IDO2: variants seen among roughly 807,000 people sequenced by gnomAD.
IDO2 encodes the protein indoleamine 2,3-dioxygenase-like 1 protein.
IDO2 carries 46 observed loss-of-function variants against 45.1 expected under a neutral mutation model. The ratio of observed to expected loss-of-function variants is 1.02; its 90% confidence interval spans 0.80 to 1.30. The LOEUF (loss-of-function observed/expected upper bound fraction) is 1.30, where lower values mean the gene tolerates loss of function less well. Among genes scored for constraint, IDO2 ranks in the 50% most tolerant of loss-of-function variants. The pLI, the probability that IDO2 is intolerant of heterozygous loss-of-function variation, is 0.00. For synonymous variants in IDO2, 218 were observed against 184.9 expected, an observed-to-expected ratio of 1.18 and a Z score of -1.45; for missense variants, 544 against 491.8, an observed-to-expected ratio of 1.11 and a Z score of -1.00.
At chr8:40,004,874 A>G (rs972224737) in intron 8 of IDO2, among the ~76,000 whole-genome samples, 2 of 152,222 alleles carry the variant, frequency 1.3e-5, no homozygotes, top group African/African-American at 4.8e-5. Flanking sequence ...GGCAAGGGAC[A>G]CTTGCTCCGC....
chr8:39,988,208 C>T lies in IDO2; in HGVS notation c.549+238C>T, dbSNP rs149208325. Among the ~76,000 whole-genome samples, 7 of 152,238 alleles carry T rather than the reference C, an allele frequency of 4.6e-5. No homozygotes were observed. In the East Asian group the frequency reaches 1.4e-3, roughly 29 times the overall value. On this transcript the variant is annotated intron_variant, in intron 7 of 10. Transcript: ENST00000502986. ...TTCAACAAACAGGCATTGGTTTGGG[C>T]AATGGGAAATTGGATCGAACAAGAC...
intron 2 of IDO2, among the ~76,000 whole-genome samples, chr8:39,958,196 C>T (rs374020738): frequency 6.6e-6 from 1 of 151,028 alleles, no homozygotes; most frequent in Non-Finnish European, 1.5e-5. Flanking sequence ...CGAGCCACCG[C>T]GCCCAGACTT....
At chr8:40,013,379 C>T (rs1385559871) in intron 9 of IDO2, among the ~76,000 whole-genome samples, 186 bp from the exon 10 acceptor site, 1 of 152,140 alleles carries the variant, frequency 6.6e-6, no homozygotes, top group Non-Finnish European at 1.5e-5. Flanking sequence ...GATTTTATAG[C>T]TTGTTATGAA....
At chr8:39,999,186 T>G (rs539316955) in intron 8 of IDO2, among the ~76,000 whole-genome samples, 23 of 152,210 alleles carry the variant, frequency 1.5e-4, no homozygotes, top group African/African-American at 5.1e-4. Context: ...CGGTTTATCT[T>G]TCTCCCCTGA....
At chr8:40,010,533 G>A (rs189222551) in intron 9 of IDO2, among the ~76,000 whole-genome samples, 1 of 152,242 alleles carries the variant, frequency 6.6e-6, no homozygotes, top group East Asian at 1.9e-4. Flanking sequence ...GAATAAAGAC[G>A]GAAACAGGGA....
chr8:39,980,624 C>T (rs749942947), intron 4 of IDO2, among the ~76,000 whole-genome samples: 4 of 152,164 alleles, frequency 2.6e-5, no homozygotes, highest in Non-Finnish European at 5.9e-5. Flanking sequence ...AGAGAACAGC[C>T]TGTGCCCATC....
chr8:40,002,648 T>A (rs1408537688), intron 8 of IDO2, among the ~76,000 whole-genome samples: 1 of 152,060 alleles, frequency 6.6e-6, no homozygotes, highest in East Asian at 1.9e-4. Flanking sequence ...TAGCTGGACG[T>A]TGGGCACTTG....
intron 5 of IDO2, chr8:39,984,811 G>C (rs1198586712): frequency 2.9e-6 from 1 of 346,212 alleles, no homozygotes; most frequent in Non-Finnish European, 5.5e-6. Context: ...AAAAATCTTG[G>C]TGATGAGGCA....
chr8:39,962,172 C>T lies in IDO2; in HGVS notation c.100-1436C>T, dbSNP rs116707242. ...CGGACTATGTCTTACTTGGCTAAACCACAGGCCTAGAGTGGGCCATAAATG... is the reference window on the plus strand; with the variant it reads ...CGGACTATGTCTTACTTGGCTAAACTACAGGCCTAGAGTGGGCCATAAATG... On this transcript the variant is annotated intron_variant, in intron 2 of 10. Coordinates refer to ENST00000502986, the Ensembl canonical transcript of IDO2. Among the ~76,000 whole-genome samples the T allele has an allele frequency of 4.2e-3, 645 of 152,276 alleles. 9 individuals carry two copies. The highest frequency in any genetic ancestry group is 0.015 in the African/African-American group (605 of 41,546).
intron 9 of IDO2, among the ~76,000 whole-genome samples, chr8:40,011,524 C>G (rs1802311039): frequency 6.6e-6 from 1 of 152,166 alleles, no homozygotes; most frequent in South Asian, 2.1e-4. Context: ...CTCTCTGGAG[C>G]CTATTTTATT....
At chr8:39,984,603 T>G (rs1315962215) in intron 5 of IDO2, among the ~76,000 whole-genome samples, 3 of 152,180 alleles carry the variant, frequency 2.0e-5, no homozygotes, top group Non-Finnish European at 4.4e-5. Flanking sequence ...TTATTCTGCT[T>G]GGTAATTACC....
At chr8:39,941,448 G>A (rs78561155) in intron 1 of IDO2, among the ~76,000 whole-genome samples, 2,633 of 152,214 alleles carry the variant, frequency 0.017, 76 homozygotes, top group African/African-American at 0.059. Context: ...AAGGTGCTTA[G>A]GGGTCAGATT....
At chr8:39,994,371 C>T (rs570184389) in intron 8 of IDO2, among the ~76,000 whole-genome samples, 1 of 151,952 alleles carries the variant, frequency 6.6e-6, no homozygotes, top group East Asian at 1.9e-4. Flanking sequence ...GATTCTTCTG[C>T]CTCAGCCTCC....
At chr8:40,015,207 C>T (rs779280459) in intron 10 of IDO2, 40 bp from the exon 11 acceptor site, 1 of 1,154,638 alleles carries the variant, frequency 8.7e-7, no homozygotes, top group East Asian at 2.4e-5. Flanking sequence ...GCTATATTTC[C>T]ATGTGGAGCT....
chr8:39,945,138 ACCTGCAGGGTGG>A (rs1285922491), intron 1 of IDO2, among the ~76,000 whole-genome samples: 4 of 152,234 alleles, frequency 2.6e-5, no homozygotes, highest in African/African-American at 9.6e-5. Flanking sequence ...TGGGGTTGCA[ACCTGCAGGGTGG>A]CCATGCTACA....
At chr8:40,015,316 C>T in exon 11 of IDO2, 3 of 1,613,870 alleles carry the variant, frequency 1.9e-6, no homozygotes, top group Admixed American at 1.7e-5. Flanking sequence ...GACATCCACT[C>T]AGCACCTTCC....
At chr8:39,991,471 C>G (rs187845499) in intron 8 of IDO2, among the ~76,000 whole-genome samples, 1 of 151,994 alleles carries the variant, frequency 6.6e-6, no homozygotes, top group Non-Finnish European at 1.5e-5. Context: ...TTATGAGAAA[C>G]CTTCCAACAG....
At chr8:39,952,353 T>C (rs1807826330) in intron 2 of IDO2, among the ~76,000 whole-genome samples, 1 of 152,238 alleles carries the variant, frequency 6.6e-6, no homozygotes, top group Non-Finnish European at 1.5e-5. Flanking sequence ...GTTCCTTCAG[T>C]ATCTCTTTTA....
chr8:39,993,088 G>C (rs925799871), intron 8 of IDO2, among the ~76,000 whole-genome samples: 1 of 152,048 alleles, frequency 6.6e-6, no homozygotes, highest in Non-Finnish European at 1.5e-5. Flanking sequence ...ACTGCCTGCC[G>C]CCTGTCAACC....
Sources: allele counts gnomAD v4.1 joint callset (sites outside exome capture counted in the v4.1 genomes callset), GRCh38; gene constraint gnomAD v4.1.1; transcripts MANE v1.5; gene names NCBI Gene and HGNC (gene_info 2026-07-23, HGNC 2026-07-21).